The following CYP24A1 variants were observed in gnomAD, a reference collection of about 807,000 sequenced individuals.
CYP24A1 encodes cytochrome P450 family 24 subfamily A member 1, also known as 1,25-dihydroxyvitamin D(3) 24-hydroxylase, mitochondrial.
In CYP24A1, 68 loss-of-function variants were observed where a neutral mutation model predicts 62.4. The ratio of observed to expected loss-of-function variants is 1.09; its 90% CI spans 0.90 to 1.33. The LOEUF is 1.33. CYP24A1 is among the 40% of genes most tolerant of loss of function. The pLI is 0.00. For synonymous variants in CYP24A1, 267 were observed against 253.0 expected, an observed-to-expected ratio of 1.06 and a Z score of -0.52; for missense variants, 787 against 653.0, an observed-to-expected ratio of 1.21 and a Z score of -2.24.
At chr20:54,169,437 A>G (rs1430365549) in intron 4 of CYP24A1, among the ~76,000 whole-genome samples, 155 bp downstream of exon 4, 1 of 152,212 alleles carries the variant, frequency 6.6e-6, no homozygotes, top group Non-Finnish European at 1.5e-5. Context: ...AGTTCAAGGC[A>G]TAACTTAAGC....
At chr20:54,148,095 C>A in the CYP24A1 span, among the ~76,000 whole-genome samples, 1 of 152,154 alleles carries the variant, frequency 6.6e-6, no homozygotes, top group Admixed American at 6.5e-5. Context: ...TTTGGCCTCC[C>A]AAATTGCTGG....
intron 9 of CYP24A1, 84 bp downstream of exon 9, chr20:54,158,002 C>T: frequency 6.3e-7 from 1 of 1,584,248 alleles, no homozygotes; most frequent in African/African-American, 1.3e-5. Context: ...TTTTCCAGTA[C>T]AAAGTCTAGG....
rs551366851 is a variant in CYP24A1, at chr20:54,169,319, C to T, written c.640+273G>A. Among the ~76,000 whole-genome samples, 21 of 152,258 alleles carry T rather than the reference C, an allele frequency of 1.4e-4. No homozygotes were observed. In the South Asian group the frequency reaches 2.7e-3, roughly 20 times the overall value. On this transcript the variant is annotated intron_variant, in intron 4 of 11. Transcript: ENST00000216862. ...CTAGCATATAAGCTCCCCAAGGGTACAGGGGTTATGCGTTTCATTCATTGT... is the reference window on the plus strand; with the variant it reads ...CTAGCATATAAGCTCCCCAAGGGTATAGGGGTTATGCGTTTCATTCATTGT...
downstream of CYP24A1, among the ~76,000 whole-genome samples, chr20:54,150,421 C>A (rs947968358): frequency 1.4e-5 from 1 of 70,948 alleles, no homozygotes; most frequent in African/African-American, 8.3e-5. Context: ...GTAACCTCCG[C>A]CCCCCAGGTT....
chr20:54,173,058 C>T lies in CYP24A1; in HGVS notation c.300G>A (p.Lys100=). The part of the protein sequence containing the change: ...HKKYGKIFRM[K]LGSFESVHLG... ...GGTGCACCGACTCAAAGGAACCCAA[C>T]TTCATGCGGAAAATCTTGCCATACT... Residue 100 remains lysine, a synonymous_variant, in exon 2 of 12, where the codon AAG becomes AAA. Coordinates refer to ENST00000216862, the MANE Select transcript of CYP24A1 (RefSeq NM_000782.5). The surrounding 1 kb of genome is among the most constrained non-coding windows in gnomAD (Gnocchi z 7.2). 6.2e-7 allele frequency: 1 copy of T among 1,607,030 alleles called. No homozygotes were observed. The highest frequency in any genetic ancestry group is 8.5e-7 in the Non-Finnish European group (1 of 1,180,006).
downstream of CYP24A1, among the ~76,000 whole-genome samples, chr20:54,151,215 G>C (rs1347169581): frequency 6.6e-6 from 1 of 152,126 alleles, no homozygotes; most frequent in Non-Finnish European, 1.5e-5. Context: ...GGAACTGAGG[G>C]TTCCTCCCCC....
chr20:54,160,852 A>G (rs2092647764), intron 7 of CYP24A1, among the ~76,000 whole-genome samples: 1 of 152,180 alleles, frequency 6.6e-6, no homozygotes, highest in Admixed American at 6.5e-5. Flanking sequence ...TGCAGGGGCT[A>G]AGCTGCAGCA....
downstream of CYP24A1, among the ~76,000 whole-genome samples, chr20:54,149,342 T>C (rs972174782): frequency 6.6e-6 from 1 of 152,204 alleles, no homozygotes; most frequent in African/African-American, 2.4e-5. Context: ...TCAGTGCTCG[T>C]AGCTTATTAT....
the CYP24A1 span, among the ~76,000 whole-genome samples, chr20:54,146,189 G>C: frequency 1.3e-5 from 2 of 152,226 alleles, no homozygotes; most frequent in East Asian, 3.9e-4. Context: ...TATTAGGTTG[G>C]TGCAAAAGCG....
At chr20:54,170,250 C>T (rs902720475) in intron 3 of CYP24A1, among the ~76,000 whole-genome samples, 3 of 152,194 alleles carry the variant, frequency 2.0e-5, no homozygotes, top group African/African-American at 7.2e-5. Context: ...GTTTCATAAA[C>T]CAGAGTTTTC....
At chr20:54,169,561 A>G (rs2092686504) in intron 4 of CYP24A1, 31 bp downstream of exon 4, 2 of 1,613,826 alleles carry the variant, frequency 1.2e-6, no homozygotes, top group Non-Finnish European at 1.7e-6. Flanking sequence ...CACCTGCAAA[A>G]TCAGTGAGCA....
chr20:54,165,397 C>T (rs573711216), intron 5 of CYP24A1, among the ~76,000 whole-genome samples: 39 of 152,324 alleles, frequency 2.6e-4, no homozygotes, highest in African/African-American at 8.9e-4. Flanking sequence ...AAGCTCAGGG[C>T]TCCCACTGAT....
intron 4 of CYP24A1, among the ~76,000 whole-genome samples, chr20:54,168,887 C>CTTCCTTCCTTCCTTCCTTCT (rs2092683866): frequency 7.6e-6 from 1 of 131,268 alleles, no homozygotes; most frequent in African/African-American, 2.9e-5. Context: ...TCCTTCCTTC[C>CTTCCTTCCTTCCTTCCTTCT]TTCCTTTCTC....
At position 54,173,620 on chromosome 20, in the gene CYP24A1, G is replaced by A; in HGVS notation, c.-41C>T. The A allele has an allele frequency of 1.3e-6, 2 of 1,502,342 alleles. No homozygotes were observed. The highest frequency in any genetic ancestry group is 1.8e-6 in the Non-Finnish European group (2 of 1,110,706). The allele number at this position is 1,502,342 out of a possible 1,614,324, so 93.1% of individuals were successfully genotyped here. Reference sequence around the variant, plus strand: ...CGGAGCGCGGGAAGGCAGGAGGATGGGGTGGGGCGAGGTTGGTACGAGGTG... The same window carrying A: ...CGGAGCGCGGGAAGGCAGGAGGATGAGGTGGGGCGAGGTTGGTACGAGGTG... On this transcript the variant is annotated 5_prime_UTR_variant, in exon 1 of 12. Coordinates refer to ENST00000216862, the MANE Select transcript of CYP24A1 (RefSeq NM_000782.5). The surrounding 1 kb of genome is among the most constrained non-coding windows in gnomAD (Gnocchi z 7.2).
intron 2 of CYP24A1, among the ~76,000 whole-genome samples, chr20:54,172,635 C>T (rs1295053722): frequency 6.6e-6 from 1 of 152,166 alleles, no homozygotes; most frequent in Non-Finnish European, 1.5e-5. Context: ...TTGGTACAAC[C>T]CTGTTTTGGC....
At chr20:54,164,691 C>A in intron 5 of CYP24A1, 128 bp from the exon 6 acceptor site, 1 of 1,541,866 alleles carries the variant, frequency 6.5e-7, no homozygotes, top group Non-Finnish European at 8.7e-7. Flanking sequence ...TACAAGGACA[C>A]CCCCGGCTCT....
chr20:54,165,155 A>G (rs2092666853), intron 5 of CYP24A1, among the ~76,000 whole-genome samples: 1 of 152,266 alleles, frequency 6.6e-6, no homozygotes, highest in South Asian at 2.1e-4. Context: ...GTGGCCTGTT[A>G]GGAACGGGGC....
chr20:54,170,703 C>T (rs2092691007), intron 3 of CYP24A1, among the ~76,000 whole-genome samples: 1 of 152,056 alleles, frequency 6.6e-6, no homozygotes, highest in South Asian at 2.1e-4. Flanking sequence ...GGCTGCTGTC[C>T]CTCCTGGGAG....
intron 6 of CYP24A1, 75 bp from the exon 7 acceptor site, chr20:54,162,937 T>C (rs2092658413): frequency 1.2e-6 from 1 of 833,810 alleles, no homozygotes; most frequent in African/African-American, 1.7e-5. Flanking sequence ...AAAACCTCAG[T>C]CCAAACTCCT....
Sources: gnomAD v4.1 joint callset for allele counts (sites outside exome capture counted in the v4.1 genomes callset) on GRCh38, gnomAD v4.1.1 for gene constraint, Gnocchi (gnomAD v3.1) non-coding constraint, MANE v1.5 for transcripts, NCBI Gene and HGNC (gene_info 2026-07-23, HGNC 2026-07-21) for gene names.